Variants in NAALADL2 observed in about 807,000 individuals in gnomAD.
The protein encoded by NAALADL2 is N-acetylated alpha-linked acidic dipeptidase like 2.
NAALADL2 carries 76 observed loss-of-function variants against 87.2 expected under a neutral mutation model. The observed-to-expected ratio is 0.87, with a 90% CI of 0.72 to 1.05. NAALADL2 has a LOEUF of 1.05. Among genes scored for constraint, NAALADL2 ranks in the 50% least tolerant of loss-of-function variants. The pLI, the probability that NAALADL2 is intolerant of heterozygous loss-of-function variation, is 0.00. For missense variants in NAALADL2, 1,089 were observed against 945.8 expected, an observed-to-expected ratio of 1.15 and a Z score of -1.99; for synonymous variants, 354 against 331.0, an observed-to-expected ratio of 1.07 and a Z score of -0.75.
At chr3:175,101,441 A>T (rs1722154805) in intron 2 of NAALADL2, among the ~76,000 whole-genome samples, 1 of 152,216 alleles carries the variant, frequency 6.6e-6, no homozygotes, top group East Asian at 1.9e-4. Flanking sequence ...AAAGCTCTTT[A>T]ACTTAGAAGA....
At chr3:175,157,757 A>G (rs896600886) in intron 2 of NAALADL2, among the ~76,000 whole-genome samples, 12 of 152,184 alleles carry the variant, frequency 7.9e-5, no homozygotes, top group South Asian at 4.1e-4. Context: ...CTAGAAAGTT[A>G]TCTCGTAGAA....
At chr3:175,359,522 CAGAG>C (rs3067324) in intron 5 of NAALADL2, among the ~76,000 whole-genome samples, 4 of 151,782 alleles carry the variant, frequency 2.6e-5, no homozygotes, top group East Asian at 1.9e-4. Flanking sequence ...TTAATGGAAA[CAGAG>C]AGAAATAATG....
chr3:174,913,368 A>G (rs951268129), intron 1 of NAALADL2, among the ~76,000 whole-genome samples: 1 of 152,130 alleles, frequency 6.6e-6, no homozygotes, highest in African/African-American at 2.4e-5. Context: ...ACAGGGCTTC[A>G]AGACAGATGG....
chr3:175,202,710 AC>A (rs1222653558), intron 2 of NAALADL2, among the ~76,000 whole-genome samples: 4 of 152,030 alleles, frequency 2.6e-5, no homozygotes, highest in Admixed American at 2.6e-4. Context: ...GCCTTCAGCT[AC>A]CAGGTTGGGT....
At chr3:175,428,376 T>C (rs1717176409) in intron 5 of NAALADL2, among the ~76,000 whole-genome samples, 2 of 152,142 alleles carry the variant, frequency 1.3e-5, no homozygotes, top group East Asian at 3.8e-4. Context: ...GATTTCAGAC[T>C]TCATTCCACT....
chr3:175,758,600 T>C (rs544832286), intron 13 of NAALADL2, among the ~76,000 whole-genome samples: 4 of 152,120 alleles, frequency 2.6e-5, no homozygotes, highest in East Asian at 1.9e-4. Flanking sequence ...ATGCAAACAT[T>C]TCAAAATTAC....
chr3:174,493,508 A>C (rs1718332981), intron 1 of NAALADL2, among the ~76,000 whole-genome samples: 1 of 152,220 alleles, frequency 6.6e-6, no homozygotes, highest in African/African-American at 2.4e-5. Flanking sequence ...ATAGACTTCT[A>C]AATTCCATTA....
chr3:175,610,326 TTTTG>T (rs1724442014), intron 10 of NAALADL2, among the ~76,000 whole-genome samples: 1 of 152,174 alleles, frequency 6.6e-6, no homozygotes, highest in African/African-American at 2.4e-5. Flanking sequence ...CTCTCTTCTT[TTTTG>T]TTTATTTAAC....
intron 10 of NAALADL2, among the ~76,000 whole-genome samples, chr3:175,580,677 G>T (rs1433862714): frequency 6.6e-6 from 1 of 152,140 alleles, no homozygotes; most frequent in Non-Finnish European, 1.5e-5. Flanking sequence ...CTACTTCAAA[G>T]TGTGCCAGTT....
At chr3:175,798,263 C>CTTAA (rs1753745641) in intron 13 of NAALADL2, among the ~76,000 whole-genome samples, 1 of 151,914 alleles carries the variant, frequency 6.6e-6, no homozygotes, top group Non-Finnish European at 1.5e-5. Context: ...GATCATCTAA[C>CTTAA]TTAAGTAACA....
chr3:174,970,232 C>A (rs1006008545), intron 1 of NAALADL2, among the ~76,000 whole-genome samples: 2 of 151,972 alleles, frequency 1.3e-5, no homozygotes, highest in African/African-American at 4.8e-5. Flanking sequence ...AAAGCCAATC[C>A]CAAGACTACA....
chr3:174,561,013 T>C (rs879767459), intron 2 of NAALADL2, among the ~76,000 whole-genome samples: 3 of 152,056 alleles, frequency 2.0e-5, no homozygotes, highest in Non-Finnish European at 2.9e-5. Context: ...TTCAGGACAA[T>C]GGTGATAGGT....
At chr3:175,076,391 A>G (rs1716609194) in intron 1 of NAALADL2, among the ~76,000 whole-genome samples, 1 of 150,942 alleles carries the variant, frequency 6.6e-6, no homozygotes. Context: ...TAAAAGGGGC[A>G]GAGACTAAAC....
At chr3:175,188,289 T>G (rs937232776) in intron 2 of NAALADL2, among the ~76,000 whole-genome samples, 9 of 152,090 alleles carry the variant, frequency 5.9e-5, no homozygotes, top group African/African-American at 1.7e-4. Context: ...CCTGACCTGA[T>G]GTAGCACCTG....
At chr3:175,799,692 T>C (rs1227142814) in intron 13 of NAALADL2, among the ~76,000 whole-genome samples, 1 of 152,182 alleles carries the variant, frequency 6.6e-6, no homozygotes, top group Non-Finnish European at 1.5e-5. Flanking sequence ...AAAACTAATA[T>C]TTAGGGAAAC....
intron 2 of NAALADL2, among the ~76,000 whole-genome samples, chr3:174,680,081 A>G (rs912016219): frequency 9.4e-6 from 1 of 106,328 alleles, no homozygotes; most frequent in Admixed American, 1.2e-4. Flanking sequence ...TTAATAATAT[A>G]ACCAGGTATT....
At chr3:175,485,441 G>T (rs987830306) in intron 9 of NAALADL2, among the ~76,000 whole-genome samples, 1 of 152,160 alleles carries the variant, frequency 6.6e-6, no homozygotes, top group Non-Finnish European at 1.5e-5. Flanking sequence ...AAGCTGAAGA[G>T]CAAGGAAGCC....
chr3:175,725,311 C>G (rs1240779029), intron 11 of NAALADL2, among the ~76,000 whole-genome samples: 2 of 152,036 alleles, frequency 1.3e-5, no homozygotes, highest in African/African-American at 4.8e-5. Flanking sequence ...TAAAATTAAT[C>G]TTTTAAAAAT....
chr3:174,657,266 G>C (rs1328162411), intron 2 of NAALADL2, among the ~76,000 whole-genome samples: 1 of 151,768 alleles, frequency 6.6e-6, no homozygotes, highest in Non-Finnish European at 1.5e-5. Flanking sequence ...GGGATCCTCA[G>C]CCTCCTGAGT....
Sources: gnomAD v4.1 joint callset for allele counts (sites outside exome capture counted in the v4.1 genomes callset) on GRCh38, gnomAD v4.1.1 for gene constraint, MANE v1.5 for transcripts, NCBI Gene and HGNC (gene_info 2026-07-23, HGNC 2026-07-21) for gene names.